FANCM: variants seen among roughly 807,000 people sequenced by gnomAD.
The protein encoded by FANCM is Fanconi anemia group M protein.
In FANCM, 140 loss-of-function variants were observed where a neutral mutation model predicts 199.5. The ratio of observed to expected loss-of-function variants is 0.70; its 90% CI spans 0.61 to 0.81. The LOEUF is 0.81. Among genes scored for constraint, FANCM ranks in the 30% least tolerant of loss-of-function variants. The probability of loss-of-function intolerance (pLI) is 0.00; values close to 1 mark genes in which losing one functional copy is unlikely to be tolerated. For missense variants in FANCM, 2,410 were observed against 2,421.4 expected (o/e 1.00, Z 0.10); for synonymous variants, 840 against 836.8 (o/e 1.00, Z -0.07).
intron 8 of FANCM, among the ~76,000 whole-genome samples, chr14:45,156,909 T>A (rs1887231411): frequency 8.0e-6 from 1 of 125,154 alleles, no homozygotes; most frequent in Non-Finnish European, 1.6e-5. Context: ...AGAGTGAGAC[T>A]CTGTCTCAAA....
intron 8 of FANCM, among the ~76,000 whole-genome samples, chr14:45,156,533 G>C (rs993824692): frequency 1.3e-5 from 2 of 152,078 alleles, no homozygotes; most frequent in Non-Finnish European, 2.9e-5. Context: ...GGCAATAGTG[G>C]TCAAGGTGCT....
chr14:45,141,179 T>A (rs1192040917), intron 3 of FANCM, among the ~76,000 whole-genome samples: 1 of 150,078 alleles, frequency 6.7e-6, no homozygotes, highest in Non-Finnish European at 1.5e-5. Context: ...TCCCAGCTAC[T>A]CAGGAGGCTG....
At chr14:45,141,556 G>A (rs1278392286) in intron 3 of FANCM, among the ~76,000 whole-genome samples, 2 of 114,238 alleles carry the variant, frequency 1.8e-5, no homozygotes, top group Non-Finnish European at 3.4e-5. Flanking sequence ...CTTACCTTAC[G>A]TTCCCCTCCT....
chr14:45,161,855 G>A (rs925106359), intron 9 of FANCM, among the ~76,000 whole-genome samples: 7 of 152,196 alleles, frequency 4.6e-5, no homozygotes, highest in African/African-American at 1.4e-4. Context: ...GGAGAGACCG[G>A]TTGGGAGACT....
intron 9 of FANCM, among the ~76,000 whole-genome samples, chr14:45,162,199 A>G (rs1261641269): frequency 6.6e-6 from 1 of 152,216 alleles, no homozygotes; most frequent in African/African-American, 2.4e-5. Context: ...CAGCCTGGCC[A>G]ACATGGTGAA....
At chr14:45,171,717 GTGTGTGCA>G (rs1389655231) in intron 12 of FANCM, among the ~76,000 whole-genome samples, 1 of 151,716 alleles carries the variant, frequency 6.6e-6, no homozygotes, top group Non-Finnish European at 1.5e-5. Flanking sequence ...GTGTGTGTGT[GTGTGTGCA>G]TGTGTGTCAC....
In FANCM at chr14:45,187,901, A is replaced by T; in HGVS notation, c.4779+14A>T. The T allele has an allele frequency of 3.4e-6, 4 of 1,184,294 alleles. No individual in the cohort carries two copies. Among genetic ancestry groups the T allele is most frequent in the Non-Finnish European group, 3.8e-6 (3 of 790,022 alleles). 73.4% of individuals were successfully genotyped at this position (1,184,294 alleles called of 1,614,324 possible). ...ATTTTCTCGCAGGTATGAACTATAG[A>T]AATATAATGGAGAATTTCTGGATGA... On this transcript the variant is annotated intron_variant, in intron 19 of 22. Coordinates refer to ENST00000267430, the MANE Select transcript of FANCM (RefSeq NM_020937.4).
chr14:45,150,496 C>G (rs1267236315), intron 4 of FANCM, among the ~76,000 whole-genome samples: 1 of 152,162 alleles, frequency 6.6e-6, no homozygotes, highest in Non-Finnish European at 1.5e-5. Flanking sequence ...AATTTAAACA[C>G]TTACATACTG....
At chr14:45,162,143 T>C (rs1178435388) in intron 9 of FANCM, among the ~76,000 whole-genome samples, 3 of 152,166 alleles carry the variant, frequency 2.0e-5, no homozygotes, top group Admixed American at 1.3e-4. Context: ...CCTAACACTT[T>C]GGGAGGCCAA....
At chr14:45,136,712 C>T (rs1022159825) in intron 1 of FANCM, among the ~76,000 whole-genome samples, 173 bp downstream of exon 1, 1 of 152,220 alleles carries the variant, frequency 6.6e-6, no homozygotes. Flanking sequence ...CAGAGAATAT[C>T]TGCAGCTTGT....
chr14:45,161,481 A>G (rs1019217465), intron 9 of FANCM, among the ~76,000 whole-genome samples: 4 of 152,140 alleles, frequency 2.6e-5, no homozygotes, highest in Non-Finnish European at 4.4e-5. Context: ...AGCTCGGTTT[A>G]TATTTTAAAA....
At chr14:45,148,710 T>C (rs1886603735) in intron 3 of FANCM, 127 bp from the exon 4 acceptor site, 1 of 652,076 alleles carries the variant, frequency 1.5e-6, no homozygotes, top group Non-Finnish European at 2.7e-6. Context: ...CTTTCTTTTT[T>C]GTTACTTAAT....
intron 4 of FANCM, among the ~76,000 whole-genome samples, chr14:45,149,836 A>C (rs1886692564): frequency 1.3e-5 from 2 of 152,082 alleles, no homozygotes; most frequent in African/African-American, 2.4e-5. Context: ...AAAAGGCAGG[A>C]GAGAAGGGGG....
At chr14:45,140,041 AT>A (rs1241714027) in intron 2 of FANCM, among the ~76,000 whole-genome samples, 2 of 152,210 alleles carry the variant, frequency 1.3e-5, no homozygotes, top group African/African-American at 2.4e-5. Flanking sequence ...TTAAAAAAAA[AT>A]CTTTCCCAAA....
rs748083548 is a variant in FANCM at position 45,164,519 on chromosome 14, G to A, written c.1742G>A (p.Arg581His). ...CGAATGGGTAGAACTGGCCGTAAACGTCAAGGCAGGATAGTTATTATCCTT... is the reference window on the plus strand; with the variant it reads ...CGAATGGGTAGAACTGGCCGTAAACATCAAGGCAGGATAGTTATTATCCTT... ...VQRMGRTGRK[R>H]QGRIVIILSE... Residue 581 changes from arginine to histidine, a missense_variant, in exon 10 of 23, where the codon CGT becomes CAT. Coordinates refer to ENST00000267430, the MANE Select transcript of FANCM (RefSeq NM_020937.4). The A allele has an allele frequency of 2.2e-5, 35 of 1,613,494 alleles. No homozygotes were observed. The highest frequency in any genetic ancestry group is 2.2e-4 in the Admixed American group (13 of 59,976).
intron 22 of FANCM, 149 bp from the exon 23 acceptor site, chr14:45,199,721 C>T: frequency 1.6e-6 from 1 of 612,478 alleles, no homozygotes; most frequent in South Asian, 2.1e-5. Flanking sequence ...CTCTTTTATC[C>T]AAACTAATGT....
chr14:45,196,270 G>A lies in FANCM; in HGVS notation c.5439G>A (p.Gln1813=), dbSNP rs2139319332. The change falls in exon 21 of 23, where the codon CAG becomes CAA. Residue 1813 remains glutamine, a synonymous_variant. Transcript: ENST00000267430. ...CACATACTTCTCTTAGACTTCCGCA[G>A]GAAGGAAAAGGAACCTGTATTCTTG... The part of the protein sequence containing the change: ...AGTHTSLRLP[Q]EGKGTCILVG... 6.2e-7 allele frequency: 1 copy of A among 1,614,026 alleles called. No homozygotes were observed. The highest frequency in any genetic ancestry group is 8.5e-7 in the Non-Finnish European group (1 of 1,179,964).
intron 11 of FANCM, among the ~76,000 whole-genome samples, chr14:45,168,443 C>A (rs1009629331): frequency 2.0e-5 from 3 of 151,602 alleles, no homozygotes; most frequent in Non-Finnish European, 4.4e-5. Context: ...TTTATAGTTG[C>A]TAATTAATCT....
In FANCM at chr14:45,196,165, T is replaced by G; in HGVS notation, c.5341-7T>G. 1 of 1,614,108 alleles carries G rather than the reference T, an allele frequency of 6.2e-7. No individual in the cohort carries two copies. The highest frequency in any genetic ancestry group is 8.5e-7 in the Non-Finnish European group (1 of 1,179,974). ...CTGAATGTGACCAGTGTTTTCCACT[T>G]TTTCAGGATGGTAGTGCTTTGGAGG... On this transcript the variant is annotated splice_polypyrimidine_tract_variant and splice_region_variant and intron_variant, in intron 20 of 22. Transcript: ENST00000267430.
Sources: allele counts gnomAD v4.1 joint callset (sites outside exome capture counted in the v4.1 genomes callset), GRCh38; gene constraint gnomAD v4.1.1; transcripts MANE v1.5; gene names NCBI Gene and HGNC (gene_info 2026-07-23, HGNC 2026-07-21).